The following CLSTN2 variants were observed in gnomAD, a reference collection of about 807,000 sequenced individuals.
CLSTN2 encodes calsyntenin-2.
A neutral mutation model predicts 101.2 loss-of-function variants in CLSTN2; 48 were observed. The observed-to-expected ratio is 0.47, with a 90% CI of 0.38 to 0.60. The LOEUF is 0.60. CLSTN2 is among the 20% of genes least tolerant of loss of function. The probability of loss-of-function intolerance (pLI) is 0.00; values close to 1 mark genes in which losing one functional copy is unlikely to be tolerated. For missense variants in CLSTN2, 1,160 were observed against 1,238.2 expected, an observed-to-expected ratio of 0.94 and a Z score of 0.95; for synonymous variants, 481 against 463.6, an observed-to-expected ratio of 1.04 and a Z score of -0.48.
chr3:139,968,320 C>A (rs1338384377), intron 1 of CLSTN2, among the ~76,000 whole-genome samples: 2 of 152,160 alleles, frequency 1.3e-5, no homozygotes, highest in Non-Finnish European at 2.9e-5. Flanking sequence ...TTCTGCAAGT[C>A]CCTCTCCTGT....
intron 1 of CLSTN2, among the ~76,000 whole-genome samples, chr3:139,953,745 G>A (rs1935335240): frequency 6.6e-6 from 1 of 152,160 alleles, no homozygotes; most frequent in Non-Finnish European, 1.5e-5. Flanking sequence ...GCCCACACTG[G>A]TAACTTGCTT....
At chr3:140,123,006 C>G (rs1042375233) in intron 1 of CLSTN2, among the ~76,000 whole-genome samples, 8 of 151,976 alleles carry the variant, frequency 5.3e-5, no homozygotes, top group Non-Finnish European at 7.4e-5. Context: ...GCTTCTATTA[C>G]AACATTTCTA....
At chr3:140,090,513 T>A (rs1275227036) in intron 1 of CLSTN2, among the ~76,000 whole-genome samples, 3 of 152,052 alleles carry the variant, frequency 2.0e-5, no homozygotes, top group African/African-American at 7.2e-5. Flanking sequence ...CTATCAATAA[T>A]GGATGGCCAA....
chr3:140,030,212 A>G (rs2007517621), intron 1 of CLSTN2, among the ~76,000 whole-genome samples: 1 of 152,126 alleles, frequency 6.6e-6, no homozygotes. Flanking sequence ...GACTTCACAT[A>G]TTCAACATGA....
intron 8 of CLSTN2, among the ~76,000 whole-genome samples, chr3:140,500,730 T>C (rs1183404004): frequency 6.6e-6 from 1 of 152,210 alleles, no homozygotes; most frequent in Non-Finnish European, 1.5e-5. Context: ...CCTTACTTTT[T>C]TCATTTGTAG....
At chr3:140,226,212 A>T (rs1280144049) in intron 2 of CLSTN2, among the ~76,000 whole-genome samples, 1 of 151,876 alleles carries the variant, frequency 6.6e-6, no homozygotes, top group East Asian at 1.9e-4. Context: ...CAGAGATTAA[A>T]GACAGGGTGG....
chr3:140,021,305 C>A (rs951843408), intron 1 of CLSTN2, among the ~76,000 whole-genome samples: 1 of 152,198 alleles, frequency 6.6e-6, no homozygotes, highest in African/African-American at 2.4e-5. Context: ...TCAAGAAGGG[C>A]TTCACTCCAG....
At position 140,179,270 on chromosome 3, in the gene CLSTN2, C is replaced by T. The variant is rs185632383; in HGVS notation, c.232+3197C>T. 5.9e-5 allele frequency among the ~76,000 whole-genome samples: 9 copies of T among 151,370 alleles called. No individual in the cohort carries two copies. The East Asian group carries it at 1.7e-3, about 29-fold the overall frequency. ...ATATGTTTTCACAACCCCAGAAAGG[C>T]TCTTTTAACATTTTAGTATATTTCC... On this transcript the variant is annotated intron_variant, in intron 2 of 16. Transcript: ENST00000458420.
intron 10 of CLSTN2, among the ~76,000 whole-genome samples, chr3:140,551,258 G>T (rs1164834419): frequency 2.6e-5 from 4 of 152,032 alleles, no homozygotes. Flanking sequence ...CTGGCTGGTC[G>T]AGAGAATTGA....
chr3:139,984,656 C>T (rs1010244710), intron 1 of CLSTN2, among the ~76,000 whole-genome samples: 5 of 152,136 alleles, frequency 3.3e-5, no homozygotes, highest in African/African-American at 9.7e-5. Context: ...CTTGTATTGG[C>T]CTTTTCTTGG....
At chr3:140,275,769 A>C (rs1384854773) in intron 2 of CLSTN2, among the ~76,000 whole-genome samples, 1 of 152,180 alleles carries the variant, frequency 6.6e-6, no homozygotes, top group East Asian at 1.9e-4. Flanking sequence ...ACCTCCAGCT[A>C]GGAAAGCAGC....
At position 140,466,749 on chromosome 3, in the gene CLSTN2, C is replaced by T. The variant is rs753283340; in HGVS notation, c.1344+18C>T. Reference sequence around the variant, plus strand: ...TGGATCAGGTATGGTGCTCACCTCACACCTGCTGCTACTCATGCCTCTGCG... The same window carrying T: ...TGGATCAGGTATGGTGCTCACCTCATACCTGCTGCTACTCATGCCTCTGCG... On this transcript the variant is annotated intron_variant, in intron 8 of 16. Transcript: ENST00000458420. 16 of 1,613,686 alleles carry T rather than the reference C, an allele frequency of 9.9e-6. No individual in the cohort carries two copies. The highest frequency in any genetic ancestry group is 2.2e-5 in the East Asian group (1 of 44,850).
intron 2 of CLSTN2, among the ~76,000 whole-genome samples, chr3:140,244,005 G>T (rs2086493517): frequency 6.6e-6 from 1 of 152,178 alleles, no homozygotes; most frequent in Non-Finnish European, 1.5e-5. Context: ...CCATTCCATG[G>T]TCCCTCTCCT....
intron 2 of CLSTN2, among the ~76,000 whole-genome samples, chr3:140,197,834 C>T (rs1190168220): frequency 1.3e-5 from 2 of 152,172 alleles, no homozygotes; most frequent in Non-Finnish European, 2.9e-5. Context: ...GTTTTAGTTT[C>T]TATTCTGCAT....
At chr3:140,541,034 G>A (rs1013896799) in intron 9 of CLSTN2, among the ~76,000 whole-genome samples, 1 of 152,170 alleles carries the variant, frequency 6.6e-6, no homozygotes, top group Non-Finnish European at 1.5e-5. Flanking sequence ...GCCATTCTGT[G>A]TCCACAGAGC....
At chr3:140,146,180 AAAAT>A (rs1005620929) in intron 1 of CLSTN2, among the ~76,000 whole-genome samples, 3 of 152,376 alleles carry the variant, frequency 2.0e-5, no homozygotes, top group African/African-American at 7.2e-5. Context: ...TACAGTAGTG[AAAAT>A]AAATAAAACT....
chr3:140,220,542 A>G lies in CLSTN2; in HGVS notation c.232+44469A>G, dbSNP rs1475194605. 2.0e-5 allele frequency among the ~76,000 whole-genome samples: 3 copies of G among 152,218 alleles called. No homozygotes were observed. In the East Asian group the frequency reaches 5.8e-4, roughly 29 times the overall value. On this transcript the variant is annotated intron_variant, in intron 2 of 16. Coordinates refer to ENST00000458420, the MANE Select transcript of CLSTN2 (RefSeq NM_022131.3). ...GGGCAGCATAGCAAGCACATCCACC[A>G]TGTCTGTTATTATTACCTGAATAAC...
chr3:140,459,676 G>C lies in CLSTN2; in HGVS notation c.1129G>C (p.Asp377His). Residue 377 changes from aspartate (D) to histidine (H), a missense_variant, in exon 7 of 17, where the codon GAT becomes CAT. Transcript: ENST00000458420. ...PDGIVPKNLT[D>H]QFTITMWMKH... ...TGGGATTGTGCCCAAGAACCTGACC[G>C]ATCAGTTCACCATCACCATGTGGAT... 2 of 1,614,112 alleles carry C rather than the reference G, an allele frequency of 1.2e-6. No individual in the cohort carries two copies. Among genetic ancestry groups the C allele is most frequent in the Non-Finnish European group, 1.7e-6 (2 of 1,180,006 alleles).
At chr3:140,060,032 G>C (rs909744587) in intron 1 of CLSTN2, among the ~76,000 whole-genome samples, 1 of 152,108 alleles carries the variant, frequency 6.6e-6, no homozygotes, top group Non-Finnish European at 1.5e-5. Context: ...CTGGGCCTCA[G>C]TTTCCTCATC....
Sources: allele counts gnomAD v4.1 joint callset (sites outside exome capture counted in the v4.1 genomes callset), GRCh38; gene constraint gnomAD v4.1.1; transcripts MANE v1.5; gene names NCBI Gene and HGNC (gene_info 2026-07-23, HGNC 2026-07-21).